Variants in GATAD1 observed in about 807,000 individuals in gnomAD.
GATAD1 encodes GATA zinc finger domain-containing protein 1.
Under a neutral mutation model 26.5 loss-of-function variants are expected in GATAD1, and 12 were observed. That is an observed-to-expected ratio of 0.45 (90% CI 0.29 to 0.73). GATAD1 has a LOEUF of 0.73. Among genes scored for constraint, GATAD1 ranks in the 30% least tolerant of loss-of-function variants. The probability of loss-of-function intolerance (pLI) is 0.10; values close to 1 mark genes in which losing one functional copy is unlikely to be tolerated. For missense variants in GATAD1, 266 were observed against 342.1 expected, an observed-to-expected ratio of 0.78 and a Z score of 1.75; for synonymous variants, 129 against 133.1, an observed-to-expected ratio of 0.97 and a Z score of 0.21.
the GATAD1 span, among the ~76,000 whole-genome samples, chr7:92,477,121 C>T: frequency 3.3e-5 from 5 of 152,130 alleles, no homozygotes; most frequent in African/African-American, 4.8e-5. Context: ...GAGTTCAGGA[C>T]GACAGCTTTC....
chr7:92,488,936 G>A, the GATAD1 span, among the ~76,000 whole-genome samples: 1 of 152,144 alleles, frequency 6.6e-6, no homozygotes, highest in Non-Finnish European at 1.5e-5. Context: ...GTTTCCCCGT[G>A]TTGGTTAGGC....
At chr7:92,473,361 A>G in the GATAD1 span, among the ~76,000 whole-genome samples, 3 of 152,156 alleles carry the variant, frequency 2.0e-5, no homozygotes, top group South Asian at 6.2e-4. Flanking sequence ...TAGGTCCTTA[A>G]CAATCTTTTG....
In GATAD1 at chr7:92,458,628, G is replaced by C. The variant is rs1789788361; in HGVS notation, c.*2066G>C. The C allele has an allele frequency of 6.6e-6, 1 of 152,140 alleles. No individual in the cohort carries two copies. The highest frequency in any genetic ancestry group is 6.5e-5 in the Admixed American group (1 of 15,270). The allele number at this position is 152,140 out of a possible 1,614,324, so 9.4% of individuals were successfully genotyped here. A position where few individuals can be genotyped will look rare whatever the true frequency, so the allele number is the denominator to read the frequency against. On this transcript the variant is annotated 3_prime_UTR_variant, in exon 5 of 5. Coordinates refer to ENST00000287957, the MANE Select transcript of GATAD1 (RefSeq NM_021167.5). ...TGGGAAAATTTGCAGAATCTAAGTT[G>C]ATTGTAATGATTTTGAGCTGCAGCA...
At chr7:92,475,213 G>GT in the GATAD1 span, 1 of 152,264 alleles carries the variant, frequency 6.6e-6, no homozygotes, top group East Asian at 1.9e-4. Flanking sequence ...AAGAATATAA[G>GT]TCGTTTCTTT....
In GATAD1 at chr7:92,447,824, A is replaced by C; in HGVS notation, c.95A>C (p.His32Pro). The C allele has an allele frequency of 6.8e-7, 1 of 1,471,342 alleles. No individual in the cohort carries two copies. Among genetic ancestry groups the C allele is most frequent in the Non-Finnish European group, 9.0e-7 (1 of 1,108,614 alleles). The allele number at this position is 1,471,342 out of a possible 1,614,324, so 91.1% of individuals were successfully genotyped here. A position where few individuals can be genotyped will look rare whatever the true frequency, so the allele number is the denominator to read the frequency against. Residue 32 changes from histidine to proline, a missense_variant, in exon 1 of 5, where the codon CAT becomes CCT. Physicochemically the swap from His to Pro is moderately conservative, Grantham distance 77. Transcript: ENST00000287957. ...GCGCAGGGGGAGATCCTCTGCCATC[A>C]TTGCACTGGCCGGGGCGGCGCGGGC... ...KGAQGEILCH[H>P]CTGRGGAGSG... is the part of the protein sequence containing the mutation.
chr7:92,490,633 A>C, the GATAD1 span, among the ~76,000 whole-genome samples: 1 of 15,306 alleles, frequency 6.5e-5, no homozygotes, highest in Admixed American at 7.0e-4. Flanking sequence ...AGACTGTCTC[A>C]AAAAAAAAAA....
the GATAD1 span, among the ~76,000 whole-genome samples, chr7:92,481,434 G>A: frequency 6.6e-6 from 1 of 152,206 alleles, no homozygotes; most frequent in Admixed American, 6.5e-5. Context: ...TAGAGAGTGA[G>A]TTGAGCATAG....
chr7:92,472,797 G>C, the GATAD1 span: 1 of 152,244 alleles, frequency 6.6e-6, no homozygotes, highest in Non-Finnish European at 1.5e-5. Flanking sequence ...GGTGCCTTTG[G>C]ATAATTTTAG....
At chr7:92,485,389 C>G in the GATAD1 span, among the ~76,000 whole-genome samples, 1 of 152,284 alleles carries the variant, frequency 6.6e-6, no homozygotes, top group East Asian at 1.9e-4. Context: ...CTACTTGATT[C>G]TTACAATGTA....
At chr7:92,487,317 C>T in the GATAD1 span, 1 of 576,744 alleles carries the variant, frequency 1.7e-6, no homozygotes. Flanking sequence ...ATAATTATAG[C>T]ATTTACCAAT....
the GATAD1 span, chr7:92,487,463 TA>T: frequency 6.4e-7 from 1 of 1,563,562 alleles, no homozygotes; most frequent in Non-Finnish European, 8.8e-7. Context: ...TATTTTATGC[TA>T]AAGTTACTTT....
At chr7:92,468,305 C>T in the GATAD1 span, 203 of 176,200 alleles carry the variant, frequency 1.2e-3, no homozygotes, top group African/African-American at 4.4e-3. Flanking sequence ...GGCGGGTCTG[C>T]GGTGGCGGCA....
At chr7:92,469,522 A>G in the GATAD1 span, 3 of 768,232 alleles carry the variant, frequency 3.9e-6, no homozygotes, top group South Asian at 2.7e-5. Context: ...GAGGAAGCAC[A>G]TAGATTCTGA....
chr7:92,452,915 A>G (rs1379725898), intron 3 of GATAD1, among the ~76,000 whole-genome samples: 2 of 152,254 alleles, frequency 1.3e-5, no homozygotes, highest in African/African-American at 2.4e-5. Context: ...GGGAATATTG[A>G]TTATACATGT....
chr7:92,489,476 A>C, the GATAD1 span: 1 of 1,493,584 alleles, frequency 6.7e-7, no homozygotes, highest in South Asian at 1.2e-5. Context: ...GTAAAAAAAA[A>C]TGTGGTAGTC....
chr7:92,474,332 CAGA>C, the GATAD1 span, among the ~76,000 whole-genome samples: 1 of 152,188 alleles, frequency 6.6e-6, no homozygotes, highest in Non-Finnish European at 1.5e-5. Context: ...AGTTGGCCTT[CAGA>C]AGAGTCAGGT....
At chr7:92,487,585 T>C in the GATAD1 span, 10 of 847,830 alleles carry the variant, frequency 1.2e-5, no homozygotes, top group Non-Finnish European at 1.9e-5. Context: ...AATACTACCA[T>C]TACAAAACAA....
chr7:92,488,346 C>G, the GATAD1 span, among the ~76,000 whole-genome samples: 2 of 152,118 alleles, frequency 1.3e-5, no homozygotes, highest in Admixed American at 6.5e-5. Context: ...ATACATAGCA[C>G]TAACGTATGT....
the GATAD1 span, chr7:92,465,202 G>A: frequency 6.6e-6 from 1 of 152,216 alleles, no homozygotes; most frequent in Non-Finnish European, 1.5e-5. Flanking sequence ...AAATGCTACT[G>A]TGAGAAATAC....
Sources: gnomAD v4.1 joint callset for allele counts (sites outside exome capture counted in the v4.1 genomes callset) on GRCh38, gnomAD v4.1.1 for gene constraint, MANE v1.5 for transcripts, NCBI Gene and HGNC (gene_info 2026-07-23, HGNC 2026-07-21) for gene names.